Variants in COL26A1 observed in about 807,000 individuals in gnomAD.
The protein encoded by COL26A1 is collagen type XXVI alpha 1 chain, also known as collagen alpha-1(XXVI) chain.
A neutral mutation model predicts 59.3 loss-of-function variants in COL26A1; 41 were observed. The observed-to-expected ratio is 0.69, with a 90% CI of 0.54 to 0.90. The LOEUF (loss-of-function observed/expected upper bound fraction) is 0.90, where lower values mean the gene tolerates loss of function less well. COL26A1 is among the 40% of genes least tolerant of loss of function. COL26A1 has a pLI of 0.00. For synonymous variants in COL26A1, 266 were observed against 256.0 expected, an observed-to-expected ratio of 1.04 and a Z score of -0.37; for missense variants, 612 against 602.3, an observed-to-expected ratio of 1.02 and a Z score of -0.17.
At chr7:101,543,037 G>T (rs1220650958) in intron 5 of COL26A1, among the ~76,000 whole-genome samples, 2 of 152,176 alleles carry the variant, frequency 1.3e-5, no homozygotes, top group Non-Finnish European at 2.9e-5. Flanking sequence ...CAGCCAACCT[G>T]GATTCCAGAG....
chr7:101,525,700 G>C (rs931708926), intron 3 of COL26A1, among the ~76,000 whole-genome samples: 5 of 151,856 alleles, frequency 3.3e-5, no homozygotes, highest in Admixed American at 2.0e-4. Context: ...GTTTCACTGT[G>C]TTAGCCAGGA....
In COL26A1 at chr7:101,482,552, C is replaced by T. The variant is rs1335373432; in HGVS notation, c.385+34765C>T. Among the ~76,000 whole-genome samples, 2 of 152,132 alleles carry T rather than the reference C, an allele frequency of 1.3e-5. 1 individual carries two copies. Among genetic ancestry groups the T allele is most frequent in the Admixed American group, 1.3e-4 (2 of 15,258 alleles). ...CCATGATGCAGGATATTGTAATAGT[C>T]AGGATGGACTAGGTTGCACTTTGGA... On this transcript the variant is annotated intron_variant, in intron 3 of 12. Coordinates refer to ENST00000313669, the MANE Select transcript of COL26A1 (RefSeq NM_001278563.3).
intron 3 of COL26A1, among the ~76,000 whole-genome samples, chr7:101,481,414 T>C (rs1431279418): frequency 7.3e-6 from 1 of 136,976 alleles, no homozygotes; most frequent in Non-Finnish European, 1.6e-5. Context: ...ATCACAATTA[T>C]ATATATATAT....
At chr7:101,401,581 A>AG (rs1562963274) in intron 1 of COL26A1, among the ~76,000 whole-genome samples, 14 of 146,068 alleles carry the variant, frequency 9.6e-5, no homozygotes, top group Admixed American at 4.8e-4. Flanking sequence ...AGGAGGAGGA[A>AG]AAGGAGGAGG....
chr7:101,442,942 T>A (rs908542962), intron 2 of COL26A1, among the ~76,000 whole-genome samples: 3 of 149,794 alleles, frequency 2.0e-5, no homozygotes, highest in African/African-American at 4.9e-5. Context: ...TGTGACTGTG[T>A]GAGGGTGTGC....
chr7:101,526,177 T>C (rs1461283921), intron 3 of COL26A1, among the ~76,000 whole-genome samples: 1 of 151,824 alleles, frequency 6.6e-6, no homozygotes, highest in African/African-American at 2.4e-5. Flanking sequence ...GCCTCCCGAG[T>C]AGTTGGGATT....
At position 101,489,822 on chromosome 7, in the gene COL26A1, CTTTCTTTCTTTCTTTCTT is replaced by C. The variant is rs1794393884; in HGVS notation, c.385+42037_385+42054del. Among the ~76,000 whole-genome samples the C allele has an allele frequency of 4.3e-4, 3 of 7,048 alleles. 1 individual carries two copies. The highest frequency in any genetic ancestry group is 2.6e-3 in the East Asian group (1 of 378). 4.6% of individuals were successfully genotyped at this position (7,048 alleles called of 152,430 possible). On this transcript the variant is annotated intron_variant, in intron 3 of 12. Transcript: ENST00000313669. ...TCTTTCTTTCTTTCTTTCTTTCTTT[CTTTCTTTCTTTCTTTCTT>C]TCTTTCTTTCTTTCTTTCTTTCTTT...
intron 2 of COL26A1, among the ~76,000 whole-genome samples, chr7:101,435,724 C>G (rs568647436): frequency 2.6e-5 from 4 of 152,134 alleles, no homozygotes; most frequent in African/African-American, 9.7e-5. Context: ...CCCAGGGACT[C>G]GGGGGGTTAA....
In COL26A1 at chr7:101,362,955, G is replaced by C; in HGVS notation, c.-78G>C. 1 of 1,430,016 alleles carries C rather than the reference G, an allele frequency of 7.0e-7. No homozygotes were observed. Among genetic ancestry groups the C allele is most frequent in the South Asian group, 1.4e-5 (1 of 73,576 alleles). The allele number at this position is 1,430,016 out of a possible 1,614,324, so 88.6% of individuals were successfully genotyped here. ...TCGCTGTGCTCCCGGCCGGTGCCGC[G>C]GGTTCGGTCCGGGCGCCGGTGCGCT... On this transcript the variant is annotated 5_prime_UTR_variant, in exon 1 of 13. Coordinates refer to ENST00000313669, the MANE Select transcript of COL26A1 (RefSeq NM_001278563.3).
intron 4 of COL26A1, among the ~76,000 whole-genome samples, chr7:101,534,459 C>A (rs1382869878): frequency 6.6e-6 from 1 of 152,144 alleles, no homozygotes; most frequent in Non-Finnish European, 1.5e-5. Flanking sequence ...CCTGTGCACA[C>A]ACATCTGTGT....
At chr7:101,504,578 T>C (rs1171397091) in intron 3 of COL26A1, among the ~76,000 whole-genome samples, 1 of 152,240 alleles carries the variant, frequency 6.6e-6, no homozygotes, top group Non-Finnish European at 1.5e-5. Flanking sequence ...TGTTGACAAC[T>C]GACATGTGTC....
Position 101,418,982 on chromosome 7 carries a change from CTCTT to C in COL26A1, c.159-983_159-980del, listed in dbSNP as rs918605837. On this transcript the variant is annotated intron_variant, in intron 1 of 12. Transcript: ENST00000313669. ...TCCTCCCCTTCCTTCAGCCTTCTGG[CTCTT>C]TCTTTCTTTCTCTCTCTCTCTCTCT... Among the ~76,000 whole-genome samples, 9 of 151,600 alleles carry C rather than the reference CTCTT, an allele frequency of 5.9e-5. No homozygotes were observed. The South Asian group carries it at 6.2e-4, about 11-fold the overall frequency.
intron 2 of COL26A1, among the ~76,000 whole-genome samples, chr7:101,428,755 C>T (rs1451010509): frequency 6.6e-6 from 1 of 151,724 alleles, no homozygotes; most frequent in Admixed American, 6.6e-5. Flanking sequence ...CCTCCTGCCT[C>T]GCTCGGCCTC....
chr7:101,547,210 C>A lies in COL26A1; in HGVS notation c.911C>A (p.Pro304Gln). Residue 304 changes from proline (P) to glutamine (Q), a missense_variant, in exon 8 of 13, where the codon CCA (proline) becomes CAA (glutamine). Pro to Gln is a moderately conservative substitution (Grantham distance 76). Coordinates refer to ENST00000313669, the MANE Select transcript of COL26A1 (RefSeq NM_001278563.3). ...GTGGACACAGTGCTGGCAGGTGTCC[C>A]AGGACCCCGGGGTCCCCCTGGTCCA... ...AIVDTVLAGVPGPRGPPGPPG... is the reference protein window; with the variant it reads ...AIVDTVLAGVQGPRGPPGPPG... The A allele has an allele frequency of 1.3e-6, 2 of 1,591,436 alleles. No homozygotes were observed. Among genetic ancestry groups the A allele is most frequent in the East Asian group, 2.3e-5 (1 of 43,512 alleles).
At chr7:101,389,650 G>A (rs1487239687) in intron 1 of COL26A1, among the ~76,000 whole-genome samples, 1 of 151,980 alleles carries the variant, frequency 6.6e-6, no homozygotes, top group East Asian at 1.9e-4. Context: ...CTGCTACCCG[G>A]GTTCAAGAAA....
intron 3 of COL26A1, among the ~76,000 whole-genome samples, chr7:101,509,908 A>G (rs1045133123): frequency 5.3e-5 from 8 of 151,128 alleles, no homozygotes; most frequent in Non-Finnish European, 1.0e-4. Flanking sequence ...TTGTATTTTT[A>G]GTAGAAACGG....
intron 1 of COL26A1, among the ~76,000 whole-genome samples, chr7:101,386,132 C>T (rs1282718219): frequency 2.6e-5 from 4 of 152,100 alleles, no homozygotes; most frequent in Non-Finnish European, 4.4e-5. Context: ...AAGTAGAAGG[C>T]TCTGAGGGGA....
At chr7:101,538,357 A>T (rs1336107392) in intron 4 of COL26A1, among the ~76,000 whole-genome samples, 1 of 152,156 alleles carries the variant, frequency 6.6e-6, no homozygotes, top group Non-Finnish European at 1.5e-5. Flanking sequence ...CGGGGTTGAG[A>T]CAGAACTGTT....
intron 3 of COL26A1, among the ~76,000 whole-genome samples, chr7:101,498,924 C>T (rs561833659): frequency 6.6e-6 from 1 of 152,324 alleles, no homozygotes; most frequent in East Asian, 1.9e-4. Flanking sequence ...TCAGGCACGG[C>T]ATGTAAGCCG....
Sources: gnomAD v4.1 joint callset for allele counts (sites outside exome capture counted in the v4.1 genomes callset) on GRCh38, gnomAD v4.1.1 for gene constraint, MANE v1.5 for transcripts, NCBI Gene and HGNC (gene_info 2026-07-23, HGNC 2026-07-21) for gene names.